The following SFSWAP variants were observed in gnomAD, a reference collection of about 807,000 sequenced individuals.
SFSWAP encodes the protein splicing factor, suppressor of white-apricot homolog.
In SFSWAP, 17 loss-of-function variants were observed where a neutral mutation model predicts 100.7. The ratio of observed to expected loss-of-function variants is 0.17; its 90% CI spans 0.12 to 0.25. The LOEUF is 0.25. Among genes scored for constraint, SFSWAP ranks in the 10% least tolerant of loss-of-function variants. The pLI is 1.00. For synonymous variants in SFSWAP, 504 were observed against 510.1 expected, an observed-to-expected ratio of 0.99 and a Z score of 0.16; for missense variants, 1,005 against 1,262.6, an observed-to-expected ratio of 0.80 and a Z score of 3.09.
chr12:131,797,441 G>A, intron 16 of SFSWAP, 81 bp downstream of exon 16: 1 of 1,268,524 alleles, frequency 7.9e-7, no homozygotes, highest in Admixed American at 2.6e-5. Flanking sequence ...CTGAGTCCTT[G>A]CCTATGTCAG....
intron 15 of SFSWAP, among the ~76,000 whole-genome samples, chr12:131,791,328 G>T (rs773860875): frequency 6.6e-6 from 1 of 152,136 alleles, no homozygotes; most frequent in Non-Finnish European, 1.5e-5. Flanking sequence ...GGCGGAGGCT[G>T]CAGTGAGCCA....
At chr12:131,752,946 A>G (rs542607548) in intron 7 of SFSWAP, among the ~76,000 whole-genome samples, 177 bp from the exon 8 acceptor site, 2 of 152,240 alleles carry the variant, frequency 1.3e-5, no homozygotes, top group Non-Finnish European at 2.9e-5. Flanking sequence ...GGTTCTTTTA[A>G]ATTGCATATT....
rs557416486 is a variant in SFSWAP at position 131,768,873 on chromosome 12, G to A, written c.2142+2565G>A. Among the ~76,000 whole-genome samples, 50 of 152,146 alleles carry A rather than the reference G, an allele frequency of 3.3e-4. 1 individual carries two copies. In the South Asian group the frequency reaches 7.5e-3, roughly 23 times the overall value. On this transcript the variant is annotated intron_variant, in intron 13 of 17. Transcript: ENST00000261674. ...ACGTGGTGGCTCATACCTGTAATCC[G>A]AACACTTTGGGAGGCCAAGGCGGGT... is the stretch of plus-strand genomic sequence containing the variant.
intron 11 of SFSWAP, among the ~76,000 whole-genome samples, chr12:131,760,247 A>G (rs1220626332): frequency 6.6e-6 from 1 of 152,204 alleles, no homozygotes; most frequent in Non-Finnish European, 1.5e-5. Context: ...TAAAGTTAAA[A>G]GACAAATACA....
At chr12:131,743,902 G>A (rs530005507) in intron 7 of SFSWAP, among the ~76,000 whole-genome samples, 1 of 152,320 alleles carries the variant, frequency 6.6e-6, no homozygotes, top group African/African-American at 2.4e-5. Context: ...CTGGGCACTT[G>A]CAGGCTCAAC....
chr12:131,737,515 T>C lies in SFSWAP; in HGVS notation c.1081+9087T>C, dbSNP rs559849636. Among the ~76,000 whole-genome samples, 77 of 152,368 alleles carry C rather than the reference T, an allele frequency of 5.1e-4. No homozygotes were observed. The East Asian group carries it at 5.6e-3, about 11-fold the overall frequency. ...TCCTTACAACTCTGTATTTTAATAATACGTGCTTTTATCATTTTGTTTCAT... is the reference window on the plus strand; with the variant it reads ...TCCTTACAACTCTGTATTTTAATAACACGTGCTTTTATCATTTTGTTTCAT... On this transcript the variant is annotated intron_variant, in intron 7 of 17. Transcript: ENST00000261674.
chr12:131,783,176 G>A (rs1260754446), intron 14 of SFSWAP, among the ~76,000 whole-genome samples: 3 of 127,502 alleles, frequency 2.4e-5, no homozygotes, highest in East Asian at 2.1e-4. Context: ...GCAAGACTCC[G>A]TCTAAAAAAA....
At chr12:131,791,679 G>T (rs926485843) in intron 15 of SFSWAP, among the ~76,000 whole-genome samples, 1 of 152,218 alleles carries the variant, frequency 6.6e-6, no homozygotes, top group African/African-American at 2.4e-5. Context: ...TTGAACTCGG[G>T]AGGCGGAGGT....
At chr12:131,721,118 C>T (rs774603850) in intron 4 of SFSWAP, among the ~76,000 whole-genome samples, 1 of 152,224 alleles carries the variant, frequency 6.6e-6, no homozygotes, top group Non-Finnish European at 1.5e-5. Context: ...CCAGATCTTA[C>T]GACAGCTCAT....
At chr12:131,797,501 CT>C in intron 16 of SFSWAP, 141 bp downstream of exon 16, 1 of 728,966 alleles carries the variant, frequency 1.4e-6, no homozygotes. Flanking sequence ...ACCGCACCCC[CT>C]CTAGCAAGGA....
At chr12:131,742,407 A>G (rs1174580765) in intron 7 of SFSWAP, among the ~76,000 whole-genome samples, 1 of 152,210 alleles carries the variant, frequency 6.6e-6, no homozygotes, top group African/African-American at 2.4e-5. Flanking sequence ...AGTTATGTTT[A>G]GAGACAGGCT....
intron 9 of SFSWAP, 120 bp from the exon 10 acceptor site, chr12:131,755,265 TA>T: frequency 2.8e-6 from 2 of 710,126 alleles, no homozygotes; most frequent in South Asian, 1.8e-5. Context: ...GATGAGTAGC[TA>T]AAACAGTAAC....
At chr12:131,712,750 C>T (rs1877499886) in intron 1 of SFSWAP, 1 of 152,170 alleles carries the variant, frequency 6.6e-6, no homozygotes, top group South Asian at 2.1e-4. Flanking sequence ...TGCCTTCACA[C>T]CATGGTTTAT....
At chr12:131,762,610 G>T (rs752243031) in intron 11 of SFSWAP, among the ~76,000 whole-genome samples, 3 of 150,984 alleles carry the variant, frequency 2.0e-5, no homozygotes, top group Non-Finnish European at 4.4e-5. Context: ...TGTTTTTTTT[G>T]AGATAGAATC....
In SFSWAP at chr12:131,790,854, A is replaced by G. The variant is rs187438343; in HGVS notation, c.2534+4266A>G. The stretch of plus-strand genomic sequence containing the variant: ...GTAGACTTTGCTAAGCGAAGGATGC[A>G]TAACCTAATTCCCTAGAGCAACCAC... On this transcript the variant is annotated intron_variant, in intron 15 of 17. Transcript: ENST00000261674. 1.1e-4 allele frequency among the ~76,000 whole-genome samples: 17 copies of G among 152,344 alleles called. No homozygotes were observed. The East Asian group carries it at 3.3e-3, about 29-fold the overall frequency.
chr12:131,727,893 G>A (rs903850622), intron 6 of SFSWAP, among the ~76,000 whole-genome samples: 5 of 152,206 alleles, frequency 3.3e-5, no homozygotes, highest in East Asian at 3.8e-4. Context: ...TTCAGCAGTT[G>A]TGCATTGTGG....
At chr12:131,747,533 C>T (rs528112828) in intron 7 of SFSWAP, among the ~76,000 whole-genome samples, 2 of 152,238 alleles carry the variant, frequency 1.3e-5, no homozygotes, top group Admixed American at 6.5e-5. Flanking sequence ...TGAGAGAGGT[C>T]GCCATGGGAG....
Position 131,745,116 on chromosome 12 carries a change from A to G in SFSWAP, c.1082-8007A>G, listed in dbSNP as rs532663065. Among the ~76,000 whole-genome samples the G allele has an allele frequency of 2.0e-5, 3 of 152,228 alleles. 1 individual carries two copies. The East Asian group carries it at 5.8e-4, about 29-fold the overall frequency. On this transcript the variant is annotated intron_variant, in intron 7 of 17. Coordinates refer to ENST00000261674, the MANE Select transcript of SFSWAP (RefSeq NM_004592.4). ...CTCAGTTGGAAAATACTTGGACACAATGTGTGATGAGCCAAATAATAAATG... is the reference window on the plus strand; with the variant it reads ...CTCAGTTGGAAAATACTTGGACACAGTGTGTGATGAGCCAAATAATAAATG...
intron 9 of SFSWAP, 97 bp from the exon 10 acceptor site, chr12:131,755,289 T>G: frequency 2.5e-6 from 2 of 812,886 alleles, no homozygotes; most frequent in African/African-American, 1.7e-5. Context: ...CCTTGTGGGA[T>G]TGTTGAGATC....
Sources: gnomAD v4.1 joint callset for allele counts (sites outside exome capture counted in the v4.1 genomes callset) on GRCh38, gnomAD v4.1.1 for gene constraint, MANE v1.5 for transcripts, NCBI Gene and HGNC (gene_info 2026-07-23, HGNC 2026-07-21) for gene names.